C12orf42: variants seen among roughly 807,000 people sequenced by gnomAD.
The protein encoded by C12orf42 is uncharacterized protein C12orf42.
A neutral mutation model predicts 21.6 loss-of-function variants in C12orf42; 25 were observed. That is an observed-to-expected ratio of 1.16 (90% CI 0.84 to 1.62). The LOEUF (loss-of-function observed/expected upper bound fraction) is 1.62. C12orf42 is among the 40% of genes most tolerant of loss of function. The pLI, the probability that C12orf42 is intolerant of heterozygous loss-of-function variation, is 0.00. For synonymous variants in C12orf42, 174 were observed against 175.0 expected, an observed-to-expected ratio of 0.99 and a Z score of 0.05; for missense variants, 483 against 459.3, an observed-to-expected ratio of 1.05 and a Z score of -0.47.
In C12orf42 at chr12:103,317,334, C is replaced by A. The variant is rs187589434; in HGVS notation, c.260-10989G>T. On this transcript the variant is annotated intron_variant, in intron 4 of 5. Transcript: ENST00000548883. ...AGGGACACATGGGTCAGCCTCTCAT[C>A]ATGCAACAGAAGATAACTGCAGAGT... 1.4e-3 allele frequency among the ~76,000 whole-genome samples: 219 copies of A among 152,338 alleles called. 1 individual carries two copies. The highest frequency in any genetic ancestry group is 4.8e-3 in the African/African-American group (200 of 41,584).
In C12orf42 at chr12:103,437,758, A is replaced by G. The variant is rs1172204527; in HGVS notation, c.79-36083T>C. ...TAACAGGATCTGAAATTGAGACAAT[A>G]ATTAATAGCCTACCAACCAAAAAAA... On this transcript the variant is annotated intron_variant, in intron 2 of 5. Coordinates refer to ENST00000548883, the MANE Select transcript of C12orf42 (RefSeq NM_198521.5). Among the ~76,000 whole-genome samples, 3 of 146,796 alleles carry G rather than the reference A, an allele frequency of 2.0e-5. No homozygotes were observed. In the Admixed American group the frequency reaches 2.1e-4, roughly 10 times the overall value.
chr12:103,509,143 G>C, the C12orf42 span, among the ~76,000 whole-genome samples: 3 of 152,268 alleles, frequency 2.0e-5, no homozygotes, highest in Admixed American at 6.5e-5. Flanking sequence ...AAAGTGTTCA[G>C]TATAGCAGCT....
chr12:103,531,071 G>T, the C12orf42 span, among the ~76,000 whole-genome samples: 1 of 152,056 alleles, frequency 6.6e-6, no homozygotes, highest in Non-Finnish European at 1.5e-5. Context: ...AAGAAAAGGG[G>T]GGAAACATCA....
intron 1 of C12orf42, among the ~76,000 whole-genome samples, chr12:103,480,406 T>C (rs1039179892): frequency 6.6e-6 from 1 of 151,686 alleles, no homozygotes; most frequent in African/African-American, 2.4e-5. Flanking sequence ...TATTTGTGGA[T>C]TCTTTTTATA....
At chr12:103,437,951 A>G (rs200468586) in intron 2 of C12orf42, among the ~76,000 whole-genome samples, 1 of 148,872 alleles carries the variant, frequency 6.7e-6, no homozygotes, top group East Asian at 2.0e-4. Flanking sequence ...GAGACACAAC[A>G]AAAAAAGAGA....
At chr12:103,457,082 T>C (rs1013863987) in intron 2 of C12orf42, among the ~76,000 whole-genome samples, 2 of 152,226 alleles carry the variant, frequency 1.3e-5, no homozygotes, top group Non-Finnish European at 2.9e-5. Context: ...CCTTTTGTGA[T>C]CTTTCCTCAG....
At chr12:103,440,075 G>A in intron 2 of C12orf42, among the ~76,000 whole-genome samples, 1 of 143,734 alleles carries the variant, frequency 7.0e-6, no homozygotes, top group African/African-American at 2.6e-5. Flanking sequence ...ATACTATGCA[G>A]CCATAAAAAA....
intron 3 of C12orf42, among the ~76,000 whole-genome samples, chr12:103,376,790 C>A (rs146265713): frequency 6.6e-6 from 1 of 152,024 alleles, no homozygotes; most frequent in Non-Finnish European, 1.5e-5. Flanking sequence ...ACTGGGCACT[C>A]GAGCAAGCCA....
At chr12:103,054,153 T>C in the C12orf42 span, among the ~76,000 whole-genome samples, 3 of 152,028 alleles carry the variant, frequency 2.0e-5, no homozygotes, top group South Asian at 4.1e-4. Context: ...AGTGATTGCA[T>C]TGAACCTATA....
chr12:103,188,266 T>C, the C12orf42 span, among the ~76,000 whole-genome samples: 1 of 152,176 alleles, frequency 6.6e-6, no homozygotes, highest in African/African-American at 2.4e-5. Context: ...ATGTCTAACA[T>C]GTTTCTTTCT....
chr12:103,176,722 C>G, the C12orf42 span, among the ~76,000 whole-genome samples: 4 of 152,184 alleles, frequency 2.6e-5, no homozygotes, highest in African/African-American at 9.7e-5. Context: ...GCTCTAGGAT[C>G]TGTGCTCTTC....
the C12orf42 span, among the ~76,000 whole-genome samples, chr12:103,100,595 T>C: frequency 6.6e-6 from 1 of 152,166 alleles, no homozygotes; most frequent in Non-Finnish European, 1.5e-5. Flanking sequence ...CCTTCCCCTG[T>C]TGCTATTGGT....
At chr12:103,179,722 T>C in the C12orf42 span, among the ~76,000 whole-genome samples, 1 of 152,174 alleles carries the variant, frequency 6.6e-6, no homozygotes, top group African/African-American at 2.4e-5. Context: ...TGTAAATGGA[T>C]TTGAAAACAG....
chr12:103,240,942 G>C (rs1012288553), intron 10 of C12orf42, among the ~76,000 whole-genome samples: 1 of 152,026 alleles, frequency 6.6e-6, no homozygotes, highest in Non-Finnish European at 1.5e-5. Context: ...TAAATGAATG[G>C]TTGATGAAAC....
chr12:103,176,221 T>C, the C12orf42 span, among the ~76,000 whole-genome samples: 15 of 152,170 alleles, frequency 9.9e-5, no homozygotes, highest in Admixed American at 9.8e-4. Flanking sequence ...TTAGACACTC[T>C]TGGGGACCAG....
At chr12:103,522,653 G>A in the C12orf42 span, among the ~76,000 whole-genome samples, 1 of 152,142 alleles carries the variant, frequency 6.6e-6, no homozygotes, top group African/African-American at 2.4e-5. Flanking sequence ...AGACTATTTC[G>A]AGGTATATTC....
At chr12:103,373,746 G>T (rs756374773) in intron 3 of C12orf42, among the ~76,000 whole-genome samples, 1 of 152,146 alleles carries the variant, frequency 6.6e-6, no homozygotes, top group African/African-American at 2.4e-5. Flanking sequence ...TTCTAAATTG[G>T]TTTTGCTGAA....
At chr12:103,146,085 G>GT in the C12orf42 span, among the ~76,000 whole-genome samples, 241 of 151,600 alleles carry the variant, frequency 1.6e-3, no homozygotes, top group African/African-American at 4.8e-3. Context: ...TGTGTTTTCT[G>GT]TTTTTTTTGT....
intron 4 of C12orf42, among the ~76,000 whole-genome samples, chr12:103,339,377 G>A (rs1406692108): frequency 6.6e-6 from 1 of 151,942 alleles, no homozygotes; most frequent in Non-Finnish European, 1.5e-5. Context: ...CCTCTGAAAG[G>A]CCCCAGTATA....
Sources: allele counts gnomAD v4.1 joint callset (sites outside exome capture counted in the v4.1 genomes callset), GRCh38; gene constraint gnomAD v4.1.1; transcripts MANE v1.5; gene names NCBI Gene and HGNC (gene_info 2026-07-23, HGNC 2026-07-21).